MINDY2: variants seen among roughly 807,000 people sequenced by gnomAD.
MINDY2 encodes the protein ubiquitin carboxyl-terminal hydrolase MINDY-2.
MINDY2 carries 52 observed loss-of-function variants against 68.2 expected under a neutral mutation model. The ratio of observed to expected loss-of-function variants is 0.76; its 90% CI spans 0.61 to 0.96. The LOEUF (loss-of-function observed/expected upper bound fraction) is 0.96. Among genes scored for constraint, MINDY2 ranks in the 40% least tolerant of loss-of-function variants. The pLI, the probability that MINDY2 is intolerant of heterozygous loss-of-function variation, is 0.00. For synonymous variants in MINDY2, 372 were observed against 303.0 expected, an observed-to-expected ratio of 1.23 and a Z score of -2.36; for missense variants, 881 against 773.4, an observed-to-expected ratio of 1.14 and a Z score of -1.65.
At chr15:58,797,427 G>A (rs1023160824) in intron 2 of MINDY2, among the ~76,000 whole-genome samples, 1 of 152,146 alleles carries the variant, frequency 6.6e-6, no homozygotes, top group African/African-American at 2.4e-5. Context: ...AGGATCACTT[G>A]AGCCTGGAAG....
intron 7 of MINDY2, among the ~76,000 whole-genome samples, chr15:58,848,143 G>T (rs1263255763): frequency 1.3e-5 from 2 of 151,410 alleles, no homozygotes; most frequent in African/African-American, 4.9e-5. Context: ...GGAGCCACAG[G>T]TCTGTTTATT....
intron 2 of MINDY2, among the ~76,000 whole-genome samples, chr15:58,788,665 A>G (rs190735505): frequency 5.2e-4 from 79 of 152,202 alleles, no homozygotes; most frequent in African/African-American, 1.8e-3. Flanking sequence ...TATTTATACT[A>G]TCACCAAATA....
rs201794845 is a variant in MINDY2 at position 58,847,486 on chromosome 15, C to T, written c.1542+16C>T. The T allele has an allele frequency of 4.0e-5, 61 of 1,521,234 alleles. No homozygotes were observed. Among genetic ancestry groups the T allele is most frequent in the East Asian group, 1.1e-4 (5 of 43,588 alleles). 94.2% of individuals were successfully genotyped at this position (1,521,234 alleles called of 1,614,324 possible). On this transcript the variant is annotated intron_variant, in intron 7 of 8. Coordinates refer to ENST00000559228, the MANE Select transcript of MINDY2 (RefSeq NM_001040450.3). ...GATAGATCAGGTAAATTTGTATTGTCGTCTTTATAGTGGTTAAAATGCTGA... is the reference window on the plus strand; with the variant it reads ...GATAGATCAGGTAAATTTGTATTGTTGTCTTTATAGTGGTTAAAATGCTGA...
At chr15:58,821,602 A>G (rs1166555718) in intron 4 of MINDY2, 115 bp from the exon 5 acceptor site, 9 of 471,278 alleles carry the variant, frequency 1.9e-5, no homozygotes, top group African/African-American at 1.9e-4. Flanking sequence ...TTTTTCGTAA[A>G]TAATAGTTTT....
intron 1 of MINDY2, among the ~76,000 whole-genome samples, chr15:58,782,726 T>C (rs1187268829): frequency 6.6e-6 from 1 of 152,126 alleles, no homozygotes; most frequent in Admixed American, 6.6e-5. Context: ...TAATTGGCTT[T>C]GGTGTCTGAT....
At position 58,856,601 on chromosome 15, in the gene MINDY2, T is replaced by C. The variant is rs2033068835; in HGVS notation, c.*1991T>C. The C allele has an allele frequency of 6.6e-6, 1 of 152,218 alleles. No homozygotes were observed. The highest frequency in any genetic ancestry group is 6.5e-5 in the Admixed American group (1 of 15,282). 9.4% of individuals were successfully genotyped at this position (152,218 alleles called of 1,614,324 possible). ...TATCTTGATTATAACCTAGAATATGTATACGTTAGTAAAATAACCAGATAT... is the reference window on the plus strand; with the variant it reads ...TATCTTGATTATAACCTAGAATATGCATACGTTAGTAAAATAACCAGATAT... On this transcript the variant is annotated 3_prime_UTR_variant, in exon 9 of 9. Coordinates refer to ENST00000559228, the MANE Select transcript of MINDY2 (RefSeq NM_001040450.3).
chr15:58,780,109 A>G (rs1239952015), intron 1 of MINDY2, among the ~76,000 whole-genome samples: 4 of 152,302 alleles, frequency 2.6e-5, no homozygotes, highest in Non-Finnish European at 4.4e-5. Flanking sequence ...TATTTTATAT[A>G]TATAGAAAAT....
At chr15:58,784,902 T>C (rs1390044914) in intron 1 of MINDY2, among the ~76,000 whole-genome samples, 2 of 152,042 alleles carry the variant, frequency 1.3e-5, no homozygotes, top group Non-Finnish European at 1.5e-5. Flanking sequence ...CCCAAAGTGC[T>C]GGGACTGTAG....
chr15:58,812,274 A>G (rs1308554892), intron 4 of MINDY2, among the ~76,000 whole-genome samples: 3 of 151,836 alleles, frequency 2.0e-5, no homozygotes, highest in Non-Finnish European at 4.4e-5. Context: ...TGTGTCTACT[A>G]AAAAATACAA....
rs571280024 is a variant in MINDY2, at chr15:58,785,285, C to G, written c.841-2621C>G. On this transcript the variant is annotated intron_variant, in intron 1 of 8. Transcript: ENST00000559228. ...ATAAACATCCAAAGTACTTTACTGGCTATGATTCAGGAAATGAATATACTA... is the reference window on the plus strand; with the variant it reads ...ATAAACATCCAAAGTACTTTACTGGGTATGATTCAGGAAATGAATATACTA... 3.0e-4 allele frequency among the ~76,000 whole-genome samples: 46 copies of G among 151,984 alleles called. 1 individual carries two copies. In the East Asian group the frequency reaches 7.9e-3, roughly 26 times the overall value.
intron 1 of MINDY2, among the ~76,000 whole-genome samples, chr15:58,787,497 G>A (rs1379449029): frequency 3.3e-5 from 5 of 151,874 alleles, no homozygotes; most frequent in African/African-American, 1.2e-4. Flanking sequence ...CAGCACTTTG[G>A]GAGGCCGAGG....
At chr15:58,839,687 C>T (rs944476297) in intron 6 of MINDY2, among the ~76,000 whole-genome samples, 1 of 152,140 alleles carries the variant, frequency 6.6e-6, no homozygotes, top group Admixed American at 6.6e-5. Flanking sequence ...TAAAGGACCA[C>T]TAGGTGGTGT....
chr15:58,848,130 C>T (rs4775096), intron 7 of MINDY2, among the ~76,000 whole-genome samples: 88,528 of 150,476 alleles, frequency 0.59, 27,287 homozygotes, highest in Middle Eastern at 0.74. Flanking sequence ...AGTGGGCAGT[C>T]TTGGAGCCAC....
chr15:58,813,390 G>A (rs2030438377), intron 4 of MINDY2, among the ~76,000 whole-genome samples: 1 of 152,166 alleles, frequency 6.6e-6, no homozygotes, highest in Admixed American at 6.5e-5. Flanking sequence ...AGCTACTTGG[G>A]GAGGCTGAGG....
rs565786025 is a variant in MINDY2 at position 58,831,041 on chromosome 15, G to GTGTATATA, written c.1226-732_1226-731insGTATATAT. ...TGTGTGTGTGTGTGTGTGTGTGTGT[G>GTGTATATA]TATATATATATATATATATGTTTTA... is the stretch of plus-strand genomic sequence containing the variant. On this transcript the variant is annotated intron_variant, in intron 5 of 8. Coordinates refer to ENST00000559228, the MANE Select transcript of MINDY2 (RefSeq NM_001040450.3). Among the ~76,000 whole-genome samples, 62 of 124,906 alleles carry GTGTATATA rather than the reference G, an allele frequency of 5.0e-4. 1 individual carries two copies. The East Asian group carries it at 6.5e-3, about 13-fold the overall frequency. The allele number at this position is 124,906 out of a possible 152,430, so 81.9% of individuals were successfully genotyped here. A position where few individuals can be genotyped will look rare whatever the true frequency, so the allele number is the denominator to read the frequency against.
At position 58,840,295 on chromosome 15, in the gene MINDY2, C is replaced by G. The variant is rs550268209; in HGVS notation, c.1369-7002C>G. Among the ~76,000 whole-genome samples, 18 of 152,312 alleles carry G rather than the reference C, an allele frequency of 1.2e-4. No individual in the cohort carries two copies. In the East Asian group the frequency reaches 1.9e-3, roughly 16 times the overall value. ...TTGCACAGGACATTTTCCCTGACCA[C>G]AGATATTAATTGACTTCCTGTTGTT... On this transcript the variant is annotated intron_variant, in intron 6 of 8. Transcript: ENST00000559228.
chr15:58,771,877 G>T lies in MINDY2; in HGVS notation c.482G>T (p.Cys161Phe). 6.3e-7 allele frequency: 1 copy of T among 1,576,648 alleles called. No individual in the cohort carries two copies. Among genetic ancestry groups the T allele is most frequent in the Non-Finnish European group, 8.6e-7 (1 of 1,162,994 alleles). ...PSSAGGLSSS[C>F]SDPSPPGESP... ...AGCGCCGGCGGCCTCAGCAGCAGTT[G>T]CAGCGACCCGAGCCCTCCTGGGGAA... Residue 161 changes from cysteine to phenylalanine, a missense_variant, in exon 1 of 9, where the codon TGC becomes TTC. Cys to Phe is a radical substitution (Grantham distance 205). Coordinates refer to ENST00000559228, the MANE Select transcript of MINDY2 (RefSeq NM_001040450.3).
intron 2 of MINDY2, among the ~76,000 whole-genome samples, chr15:58,797,256 C>G (rs929339543): frequency 3.9e-5 from 6 of 152,084 alleles, no homozygotes; most frequent in Non-Finnish European, 8.8e-5. Flanking sequence ...CCTTTTATCC[C>G]AGCACTTCGC....
intron 4 of MINDY2, chr15:58,817,695 C>T (rs2030783828): frequency 6.6e-6 from 1 of 152,104 alleles, no homozygotes; most frequent in Admixed American, 6.5e-5. Context: ...GCACTCCAGC[C>T]TGGGCGACAG....
Sources: gnomAD v4.1 joint callset for allele counts (sites outside exome capture counted in the v4.1 genomes callset) on GRCh38, gnomAD v4.1.1 for gene constraint, MANE v1.5 for transcripts, NCBI Gene and HGNC (gene_info 2026-07-23, HGNC 2026-07-21) for gene names.